Variants in VAV3 observed in about 807,000 individuals in gnomAD.
The protein encoded by VAV3 is vav guanine nucleotide exchange factor 3.
VAV3 carries 94 observed loss-of-function variants against 131.2 expected under a neutral mutation model. That is an observed-to-expected ratio of 0.72 (90% CI 0.61 to 0.85). VAV3 has a LOEUF of 0.85. Ranked by LOEUF, VAV3 falls within the 40% of genes least tolerant of loss-of-function variation. The probability of loss-of-function intolerance (pLI) is 0.00; values close to 1 mark genes in which losing one functional copy is unlikely to be tolerated. For synonymous variants in VAV3, 349 were observed against 342.0 expected, an observed-to-expected ratio of 1.02 and a Z score of -0.22; for missense variants, 939 against 1,002.7, an observed-to-expected ratio of 0.94 and a Z score of 0.86.
chr1:107,876,377 G>A (rs1384917180), intron 1 of VAV3, among the ~76,000 whole-genome samples: 3 of 152,230 alleles, frequency 2.0e-5, no homozygotes, highest in Admixed American at 2.0e-4. Context: ...ATAGACTCCT[G>A]AGTTTTGCTG....
At chr1:107,713,322 G>A (rs1304013562) in intron 15 of VAV3, among the ~76,000 whole-genome samples, 1 of 151,610 alleles carries the variant, frequency 6.6e-6, no homozygotes, top group Non-Finnish European at 1.5e-5. Context: ...AAGATGGCTG[G>A]CCTCATTTTC....
chr1:107,676,998 T>C (rs527660104), intron 19 of VAV3, among the ~76,000 whole-genome samples: 1 of 152,156 alleles, frequency 6.6e-6, no homozygotes, highest in South Asian at 2.1e-4. Flanking sequence ...TAGAAGAAAA[T>C]GAATGAGCCT....
chr1:107,755,742 T>A (rs1309774588), intron 11 of VAV3, among the ~76,000 whole-genome samples: 1 of 152,152 alleles, frequency 6.6e-6, no homozygotes, highest in African/African-American at 2.4e-5. Flanking sequence ...GTCACACCAC[T>A]GAGAAGAGTC....
At chr1:107,735,541 C>T (rs1477546625) in intron 15 of VAV3, among the ~76,000 whole-genome samples, 1 of 152,160 alleles carries the variant, frequency 6.6e-6, no homozygotes, top group Non-Finnish European at 1.5e-5. Context: ...ACCGATCCCA[C>T]AGAAATACAA....
chr1:107,957,110 T>A (rs1674851290), intron 1 of VAV3, among the ~76,000 whole-genome samples: 1 of 151,686 alleles, frequency 6.6e-6, no homozygotes, highest in Non-Finnish European at 1.5e-5. Context: ...CAACTCAGAG[T>A]CCAAGACAGA....
At chr1:107,701,778 A>G (rs1331350762) in intron 17 of VAV3, among the ~76,000 whole-genome samples, 7 of 152,202 alleles carry the variant, frequency 4.6e-5, no homozygotes, top group Admixed American at 2.0e-4. Flanking sequence ...TTACTAAAAC[A>G]CAGCAAGAGT....
intron 17 of VAV3, among the ~76,000 whole-genome samples, chr1:107,689,536 T>C (rs191939996): frequency 8.8e-4 from 134 of 152,128 alleles, no homozygotes; most frequent in African/African-American, 3.2e-3. Flanking sequence ...TTTTCTTTTT[T>C]TAACGAATAC....
At chr1:107,904,036 A>G (rs1184482425) in intron 1 of VAV3, among the ~76,000 whole-genome samples, 1 of 151,788 alleles carries the variant, frequency 6.6e-6, no homozygotes, top group Non-Finnish European at 1.5e-5. Context: ...AACCTATCCT[A>G]CCCATTACCT....
Position 107,573,012 on chromosome 1 carries a change from C to G in VAV3, c.*319G>C. On this transcript the variant is annotated 3_prime_UTR_variant, in exon 27 of 27. Coordinates refer to ENST00000370056, the MANE Select transcript of VAV3 (RefSeq NM_006113.5). The stretch of plus-strand genomic sequence containing the variant: ...ATGACTGGCATTCATGGTATCTGAC[C>G]AGAAGAAGTAAAGGGAAGCACGAAC... The G allele has an allele frequency of 3.0e-6, 1 of 336,618 alleles. No individual in the cohort carries two copies. The highest frequency in any genetic ancestry group is 5.3e-6 in the Non-Finnish European group (1 of 187,156). The allele number at this position is 336,618 out of a possible 1,614,324, so 20.9% of individuals were successfully genotyped here. A position where few individuals can be genotyped will look rare whatever the true frequency, so the allele number is the denominator to read the frequency against.
intron 15 of VAV3, among the ~76,000 whole-genome samples, chr1:107,726,391 A>G (rs926252285): frequency 6.6e-6 from 1 of 152,226 alleles, no homozygotes; most frequent in African/African-American, 2.4e-5. Flanking sequence ...CTCTGCAGAT[A>G]CTTTTCATGG....
intron 24 of VAV3, among the ~76,000 whole-genome samples, chr1:107,601,140 C>T (rs538548009): frequency 9.9e-5 from 15 of 152,222 alleles, no homozygotes; most frequent in African/African-American, 2.4e-4. Flanking sequence ...TGAAGAACCT[C>T]CTCTGGTCCA....
chr1:107,920,807 C>T (rs539288298), intron 1 of VAV3, among the ~76,000 whole-genome samples: 24 of 152,258 alleles, frequency 1.6e-4, no homozygotes, highest in African/African-American at 4.1e-4. Context: ...TTTTCCCTTA[C>T]GATTATTTGT....
At chr1:107,839,038 C>T (rs1461716692) in intron 2 of VAV3, among the ~76,000 whole-genome samples, 1 of 152,244 alleles carries the variant, frequency 6.6e-6, no homozygotes, top group South Asian at 2.1e-4. Context: ...TACTCTAAAT[C>T]TTGGTATCAC....
rs569653916 is a variant in VAV3 at position 107,905,508 on chromosome 1, C to A, written c.205-30491G>T. Reference sequence around the variant, plus strand: ...GACCCATGGTAACTGTTCATGGAAGCCAATGCTAAAGACCTCTGACATCTT... The same window carrying A: ...GACCCATGGTAACTGTTCATGGAAGACAATGCTAAAGACCTCTGACATCTT... On this transcript the variant is annotated intron_variant, in intron 1 of 26. Coordinates refer to ENST00000370056, the MANE Select transcript of VAV3 (RefSeq NM_006113.5). Among the ~76,000 whole-genome samples, 292 of 152,104 alleles carry A rather than the reference C, an allele frequency of 1.9e-3. 3 individuals carry two copies. Among genetic ancestry groups the A allele is most frequent in the African/African-American group, 6.9e-3 (288 of 41,488 alleles).
chr1:107,577,232 T>A (rs1649723441), intron 25 of VAV3, among the ~76,000 whole-genome samples: 1 of 152,222 alleles, frequency 6.6e-6, no homozygotes, highest in African/African-American at 2.4e-5. Flanking sequence ...ATTTCCCCTT[T>A]ACATATGAGA....
At position 107,699,783 on chromosome 1, in the gene VAV3, G is replaced by A. The variant is rs942724033; in HGVS notation, c.1705+4767C>T. 3.4e-4 allele frequency among the ~76,000 whole-genome samples: 52 copies of A among 151,824 alleles called. 1 individual carries two copies. The highest frequency in any genetic ancestry group is 8.5e-4 in the Admixed American group (13 of 15,254). On this transcript the variant is annotated intron_variant, in intron 17 of 26. Transcript: ENST00000370056. ...TAACAGATTTTATTCAGGAACAATT[G>A]CAAAGGAGAAAGAAATCCAGGTTCA...
rs189923930 is a variant in VAV3, at chr1:107,848,204, T to G, written c.321+26697A>C. ...GGCAGGTGCCTGTAGTCCCAGCTAA[T>G]TGGGAGGCTTAGGCAGGAGAATGGC... On this transcript the variant is annotated intron_variant, in intron 2 of 26. Transcript: ENST00000370056. Among the ~76,000 whole-genome samples the G allele has an allele frequency of 9.4e-4, 142 of 151,748 alleles. 1 individual carries two copies. Among genetic ancestry groups the G allele is most frequent in the Middle Eastern group, 6.8e-3 (2 of 292 alleles).
Position 107,573,322 on chromosome 1 carries a change from G to C in VAV3, c.*9C>G, listed in dbSNP as rs1313247484. The C allele has an allele frequency of 6.2e-7, 1 of 1,614,000 alleles. No individual in the cohort carries two copies. The highest frequency in any genetic ancestry group is 8.5e-7 in the Non-Finnish European group (1 of 1,179,978). On this transcript the variant is annotated 3_prime_UTR_variant, in exon 27 of 27. Coordinates refer to ENST00000370056, the MANE Select transcript of VAV3 (RefSeq NM_006113.5). ...ATTTTTGGTGCAGGGTGCAACACGG[G>C]ATTTGAATTTATTCATCCTCTTCCA...
rs1326313206 is a variant in VAV3 at position 107,572,164 on chromosome 1, G to A, written c.*1167C>T. ...AGAGTGATGGCTGGGCAAAACAAATGTACTGCAAGACCCATCTTCCCTCCA... is the reference window on the plus strand; with the variant it reads ...AGAGTGATGGCTGGGCAAAACAAATATACTGCAAGACCCATCTTCCCTCCA... On this transcript the variant is annotated 3_prime_UTR_variant, in exon 27 of 27. Transcript: ENST00000370056. The A allele has an allele frequency of 6.6e-6, 1 of 152,234 alleles. No homozygotes were observed. Among genetic ancestry groups the A allele is most frequent in the Non-Finnish European group, 1.5e-5 (1 of 68,068 alleles). 9.4% of individuals were successfully genotyped at this position (152,234 alleles called of 1,614,324 possible). A position where few individuals can be genotyped will look rare whatever the true frequency, so the allele number is the denominator to read the frequency against.
Sources: allele counts gnomAD v4.1 joint callset (sites outside exome capture counted in the v4.1 genomes callset), GRCh38; gene constraint gnomAD v4.1.1; transcripts MANE v1.5; gene names NCBI Gene and HGNC (gene_info 2026-07-23, HGNC 2026-07-21).